TMED3: variants seen among roughly 807,000 people sequenced by gnomAD.
The protein encoded by TMED3 is transmembrane emp24 domain-containing protein 3.
A neutral mutation model predicts 15.0 loss-of-function variants in TMED3; 9 were observed. The ratio of observed to expected loss-of-function variants is 0.60; its 90% CI spans 0.36 to 1.04. The LOEUF (loss-of-function observed/expected upper bound fraction) is 1.04. Among genes scored for constraint, TMED3 ranks in the 50% least tolerant of loss-of-function variants. TMED3 has a pLI of 0.01. For missense variants in TMED3, 267 were observed against 278.9 expected (o/e 0.96, Z 0.30); for synonymous variants, 117 against 121.4 (o/e 0.96, Z 0.24).
At chr15:79,353,366 T>A (rs2058905275) in intron 2 of TMED3, among the ~76,000 whole-genome samples, 1 of 119,452 alleles carries the variant, frequency 8.4e-6, no homozygotes, top group East Asian at 2.2e-4. Context: ...ATATATAAAA[T>A]ATATATAATA....
At chr15:79,369,036 G>A (rs1426228327) in intron 2 of TMED3, among the ~76,000 whole-genome samples, 2 of 151,374 alleles carry the variant, frequency 1.3e-5, no homozygotes, top group Non-Finnish European at 2.9e-5. Context: ...TCAGGTTGCA[G>A]TGAGCCGAGA....
intron 2 of TMED3, among the ~76,000 whole-genome samples, chr15:79,390,770 G>A (rs1291872768): frequency 2.0e-5 from 3 of 151,806 alleles, no homozygotes; most frequent in African/African-American, 7.3e-5. Flanking sequence ...GCTTGTTATT[G>A]GTCTGTTCAG....
chr15:79,337,741 T>C (rs1305223966), intron 2 of TMED3, among the ~76,000 whole-genome samples: 1 of 152,236 alleles, frequency 6.6e-6, no homozygotes, highest in Non-Finnish European at 1.5e-5. Context: ...CTGACTCTGC[T>C]CCTGGGAGCT....
intron 2 of TMED3, among the ~76,000 whole-genome samples, chr15:79,361,006 G>A (rs917404795): frequency 1.3e-5 from 2 of 152,042 alleles, no homozygotes; most frequent in African/African-American, 4.8e-5. Context: ...ACACTGCTCA[G>A]CCTGGCTAAT....
chr15:79,313,472 T>A (rs2058726147), intron 1 of TMED3, among the ~76,000 whole-genome samples: 1 of 152,174 alleles, frequency 6.6e-6, no homozygotes, highest in Non-Finnish European at 1.5e-5. Flanking sequence ...TCTTCTTCTG[T>A]AAAATGGAAA....
Position 79,311,276 on chromosome 15 carries a change from C to T in TMED3, c.27C>T (p.Ala9=). ...TGGGCAGCACTGTCCCGCGCTCCGC[C>T]TCCGTGCTGCTTCTGCTGCTGCTCC... MGSTVPRS[A]SVLLLLLLLR... The change falls in exon 1 of 3, where the codon GCC becomes GCT. Residue 9 remains alanine (A), a synonymous_variant. Coordinates refer to ENST00000299705, the MANE Select transcript of TMED3 (RefSeq NM_007364.4). 1 of 1,605,546 alleles carries T rather than the reference C, an allele frequency of 6.2e-7. No individual in the cohort carries two copies. Among genetic ancestry groups the T allele is most frequent in the Non-Finnish European group, 8.5e-7 (1 of 1,177,348 alleles).
chr15:79,392,108 C>A (rs186481008), intron 2 of TMED3, among the ~76,000 whole-genome samples: 2 of 152,240 alleles, frequency 1.3e-5, no homozygotes, highest in Non-Finnish European at 2.9e-5. Context: ...ATGTGAGGTA[C>A]CATTCCACTC....
At chr15:79,356,363 G>A (rs2058918795) in intron 2 of TMED3, among the ~76,000 whole-genome samples, 1 of 152,144 alleles carries the variant, frequency 6.6e-6, no homozygotes, top group Non-Finnish European at 1.5e-5. Context: ...TTAGAACAAT[G>A]TTGGCACATA....
At chr15:79,325,377 T>C (rs190524506), downstream of TMED3, among the ~76,000 whole-genome samples, 3 of 152,330 alleles carry the variant, frequency 2.0e-5, no homozygotes, top group Non-Finnish European at 4.4e-5. Flanking sequence ...GTAAGAAAGC[T>C]TTAATCCTCG....
chr15:79,380,778 A>G (rs971562009), intron 2 of TMED3, among the ~76,000 whole-genome samples: 12 of 152,094 alleles, frequency 7.9e-5, no homozygotes, highest in Non-Finnish European at 4.4e-5. Context: ...ATAGGCTCCG[A>G]TGTCTCACTT....
chr15:79,355,677 C>T (rs1388217297), intron 2 of TMED3, among the ~76,000 whole-genome samples: 2 of 152,168 alleles, frequency 1.3e-5, no homozygotes, highest in Non-Finnish European at 2.9e-5. Flanking sequence ...GGGCTCCAGT[C>T]CTCACCCCTT....
intron 2 of TMED3, among the ~76,000 whole-genome samples, chr15:79,381,193 G>A (rs572756422): frequency 6.6e-6 from 1 of 152,210 alleles, no homozygotes; most frequent in Admixed American, 6.5e-5. Context: ...CATGCAAGGC[G>A]ATTGCTACCA....
At chr15:79,377,491 T>C (rs961183230) in intron 2 of TMED3, among the ~76,000 whole-genome samples, 1 of 152,170 alleles carries the variant, frequency 6.6e-6, no homozygotes, top group Non-Finnish European at 1.5e-5. Flanking sequence ...TACAGATCTG[T>C]CACTTGCCAA....
At chr15:79,395,859 T>C (rs1853477326) in intron 2 of TMED3, among the ~76,000 whole-genome samples, 1 of 152,256 alleles carries the variant, frequency 6.6e-6, no homozygotes, top group Non-Finnish European at 1.5e-5. Flanking sequence ...TTCTCCTAAT[T>C]GATACTATGG....
intron 2 of TMED3, among the ~76,000 whole-genome samples, chr15:79,321,762 A>G (rs1171080695): frequency 6.6e-6 from 1 of 151,488 alleles, no homozygotes; most frequent in Admixed American, 6.6e-5. Context: ...TCAGCCACAT[A>G]CTAACTGTGT....
chr15:79,393,969 T>G (rs1420298551), intron 2 of TMED3, among the ~76,000 whole-genome samples: 1 of 149,336 alleles, frequency 6.7e-6, no homozygotes, highest in Non-Finnish European at 1.5e-5. Flanking sequence ...AATGTTGGGA[T>G]TACATGCATG....
intron 2 of TMED3, among the ~76,000 whole-genome samples, chr15:79,380,359 T>C (rs898989578): frequency 4.0e-5 from 6 of 149,846 alleles, no homozygotes; most frequent in Non-Finnish European, 7.4e-5. Flanking sequence ...CAACTATATA[T>C]ATATAGAGAG....
intron 2 of TMED3, among the ~76,000 whole-genome samples, chr15:79,320,130 A>G (rs8024560): frequency 0.99 from 150,249 of 152,258 alleles, 74,169 homozygotes; most frequent in East Asian, 1. Context: ...GCTAGACCAC[A>G]GTCCACTTGG....
intron 2 of TMED3, among the ~76,000 whole-genome samples, chr15:79,339,537 T>C (rs2058841828): frequency 1.3e-5 from 2 of 152,214 alleles, no homozygotes; most frequent in South Asian, 4.1e-4. Context: ...TTAACTTCCA[T>C]TGCAAAAGTC....
Sources: allele counts gnomAD v4.1 joint callset (sites outside exome capture counted in the v4.1 genomes callset), GRCh38; gene constraint gnomAD v4.1.1; transcripts MANE v1.5; gene names NCBI Gene and HGNC (gene_info 2026-07-23, HGNC 2026-07-21).